Variants in NARS2 observed in about 807,000 individuals in gnomAD.
NARS2 encodes asparaginyl-tRNA synthetase 2, mitochondrial.
Under a neutral mutation model 62.9 loss-of-function variants are expected in NARS2, and 60 were observed. The observed-to-expected ratio is 0.95, with a 90% CI of 0.77 to 1.18. NARS2 has a LOEUF of 1.18. NARS2 is among the 50% of genes most tolerant of loss of function. The probability of loss-of-function intolerance (pLI) is 0.00; values close to 1 mark genes in which losing one functional copy is unlikely to be tolerated. For missense variants in NARS2, 619 were observed against 576.4 expected (o/e 1.07, Z -0.76); for synonymous variants, 196 against 200.0 (o/e 0.98, Z 0.17).
At chr11:78,493,969 A>G (rs1011144372) in intron 6 of NARS2, among the ~76,000 whole-genome samples, 14 of 152,190 alleles carry the variant, frequency 9.2e-5, no homozygotes, top group Non-Finnish European at 1.8e-4. Context: ...TAAACACAAG[A>G]AAAAAGAACG....
chr11:78,511,159 C>G (rs1860707105), intron 6 of NARS2, among the ~76,000 whole-genome samples: 1 of 152,154 alleles, frequency 6.6e-6, no homozygotes, highest in South Asian at 2.1e-4. Context: ...TTCACTGCAG[C>G]CTTGACCTCC....
At chr11:78,550,120 A>T (rs185307389) in intron 5 of NARS2, among the ~76,000 whole-genome samples, 103 of 152,312 alleles carry the variant, frequency 6.8e-4, no homozygotes, top group Non-Finnish European at 1.2e-3. Context: ...GTTCCATACC[A>T]TCAAACTGAA....
chr11:78,464,486 T>C (rs1858531854), intron 11 of NARS2, among the ~76,000 whole-genome samples: 1 of 152,178 alleles, frequency 6.6e-6, no homozygotes, highest in Non-Finnish European at 1.5e-5. Context: ...TTACAGTCCC[T>C]GAGCTAGACA....
intron 12 of NARS2, among the ~76,000 whole-genome samples, chr11:78,442,567 T>C (rs541707606): frequency 6.6e-6 from 1 of 151,870 alleles, no homozygotes; most frequent in East Asian, 1.9e-4. Context: ...TCCAGATTAC[T>C]ATGAAACCCA....
chr11:78,492,106 T>C (rs12225912), intron 7 of NARS2, among the ~76,000 whole-genome samples: 64,644 of 135,296 alleles, frequency 0.48, 17,346 homozygotes, highest in Non-Finnish European at 0.66. Context: ...TATATATATA[T>C]ATACAGACAC....
At position 78,436,712 on chromosome 11, in the gene NARS2, A is replaced by T; in HGVS notation, c.1392T>A (p.Asp464Glu). ...GAGGAAACCTTGGGAAAGGGATAAC[A>T]TCTTTGATATTGTCAACACCCAAGA... ...QCILGVDNIK[D>E]VIPFPRFPHS... is the part of the protein sequence containing the mutation. Residue 464 changes from aspartate (D) to glutamate (E), a missense_variant, in exon 14 of 14, where the codon GAT (aspartate) becomes GAA (glutamate). Asp to Glu is a conservative substitution (Grantham distance 45). Coordinates refer to ENST00000281038, the MANE Select transcript of NARS2 (RefSeq NM_024678.6). The T allele has an allele frequency of 5.6e-6, 9 of 1,614,210 alleles. No individual in the cohort carries two copies. Among genetic ancestry groups the T allele is most frequent in the Non-Finnish European group, 7.6e-6 (9 of 1,180,040 alleles).
intron 5 of NARS2, among the ~76,000 whole-genome samples, chr11:78,551,619 G>A (rs1856118455): frequency 6.6e-6 from 1 of 152,166 alleles, no homozygotes; most frequent in Non-Finnish European, 1.5e-5. Flanking sequence ...GGGAGGCCAA[G>A]GCGGACGGAT....
chr11:78,490,636 G>A (rs115867002), intron 7 of NARS2, among the ~76,000 whole-genome samples: 38 of 152,000 alleles, frequency 2.5e-4, no homozygotes, highest in African/African-American at 8.0e-4. Flanking sequence ...GGGCAACCCC[G>A]TTTCTACCAA....
chr11:78,568,760 A>G lies in NARS2; in HGVS notation c.252-8T>C, dbSNP rs1856824443. The G allele has an allele frequency of 6.3e-7, 1 of 1,579,322 alleles. No individual in the cohort carries two copies. Among genetic ancestry groups the G allele is most frequent in the African/African-American group, 1.4e-5 (1 of 73,620 alleles). ...CTCCCAAAATTTAATTCTCTATAGTAACAAAAAACAAGATAAACAAGATAT... is the reference window on the plus strand; with the variant it reads ...CTCCCAAAATTTAATTCTCTATAGTGACAAAAAACAAGATAAACAAGATAT... On this transcript the variant is annotated splice_region_variant and splice_polypyrimidine_tract_variant and intron_variant, in intron 2 of 13. Coordinates refer to ENST00000281038, the MANE Select transcript of NARS2 (RefSeq NM_024678.6).
At chr11:78,531,528 A>G (rs116927736) in intron 5 of NARS2, among the ~76,000 whole-genome samples, 4,667 of 152,308 alleles carry the variant, frequency 0.031, 127 homozygotes, top group Admixed American at 0.081. Context: ...AAGAATTAAA[A>G]TGAGGTACAT....
At chr11:78,512,988 A>C (rs1423293158) in intron 6 of NARS2, among the ~76,000 whole-genome samples, 1 of 152,196 alleles carries the variant, frequency 6.6e-6, no homozygotes, top group Non-Finnish European at 1.5e-5. Context: ...AGTGGCTCAC[A>C]TCTGAAATCT....
intron 11 of NARS2, among the ~76,000 whole-genome samples, chr11:78,465,114 C>CAGG (rs1295710319): frequency 6.6e-6 from 1 of 152,210 alleles, no homozygotes; most frequent in Non-Finnish European, 1.5e-5. Flanking sequence ...GAGCCCTGCC[C>CAGG]CACGGGAAGG....
chr11:78,565,321 A>C (rs961833534), intron 4 of NARS2, among the ~76,000 whole-genome samples: 1 of 152,238 alleles, frequency 6.6e-6, no homozygotes, highest in Non-Finnish European at 1.5e-5. Context: ...ACAGGAAACC[A>C]AAAACACTGT....
intron 6 of NARS2, among the ~76,000 whole-genome samples, chr11:78,527,443 A>C (rs1392511725): frequency 1.3e-5 from 2 of 152,158 alleles, no homozygotes; most frequent in Non-Finnish European, 2.9e-5. Context: ...TGTTATTATG[A>C]CACTTTTTCT....
rs1857068661 is a variant in NARS2 at position 78,574,762 on chromosome 11, C to T, written c.-274G>A. The T allele has an allele frequency of 4.6e-6, 2 of 436,590 alleles. No homozygotes were observed. Among genetic ancestry groups the T allele is most frequent in the Non-Finnish European group, 8.2e-6 (2 of 244,094 alleles). The allele number at this position is 436,590 out of a possible 1,614,324, so 27.0% of individuals were successfully genotyped here. The stretch of plus-strand genomic sequence containing the variant: ...ACGTGCAGTTGGCAGCTGGGGCGCC[C>T]CACTACCCGCGACAATTGTAAACCT... On this transcript the variant is annotated 5_prime_UTR_variant, in exon 1 of 14. Transcript: ENST00000281038.
intron 6 of NARS2, among the ~76,000 whole-genome samples, chr11:78,502,572 T>G (rs970471621): frequency 2.2e-4 from 34 of 152,186 alleles, no homozygotes; most frequent in Non-Finnish European, 3.5e-4. Flanking sequence ...AACAACTGCT[T>G]TACGGGTATG....
At chr11:78,460,301 C>G (rs1858346528) in intron 11 of NARS2, among the ~76,000 whole-genome samples, 1 of 147,210 alleles carries the variant, frequency 6.8e-6, no homozygotes, top group Non-Finnish European at 1.5e-5. Flanking sequence ...GGGATGGAGT[C>G]TCATTATGCT....
rs1861617610 is a variant in NARS2 at position 78,534,907 on chromosome 11, T to A, written c.595-5971A>T. On this transcript the variant is annotated intron_variant, in intron 5 of 13. Transcript: ENST00000281038. ...CCTTGGGAATTAAGGAATAATGTAA[T>A]CCAAGGAATACAGCAATAAAAGAAA... is the stretch of plus-strand genomic sequence containing the variant. 3.3e-5 allele frequency among the ~76,000 whole-genome samples: 5 copies of A among 152,286 alleles called. No individual in the cohort carries two copies. In the South Asian group the frequency reaches 1.0e-3, roughly 32 times the overall value.
chr11:78,484,928 T>C (rs1337838855), intron 7 of NARS2, among the ~76,000 whole-genome samples: 4 of 152,210 alleles, frequency 2.6e-5, no homozygotes, highest in Non-Finnish European at 2.9e-5. Context: ...TAAAGACACA[T>C]GCACACATGT....
Sources: gnomAD v4.1 joint callset for allele counts (sites outside exome capture counted in the v4.1 genomes callset) on GRCh38, gnomAD v4.1.1 for gene constraint, MANE v1.5 for transcripts, NCBI Gene and HGNC (gene_info 2026-07-23, HGNC 2026-07-21) for gene names.